PLEKHS1: variants seen among roughly 807,000 people sequenced by gnomAD.
PLEKHS1 encodes pleckstrin homology domain-containing family S member 1.
Under a neutral mutation model 51.0 loss-of-function variants are expected in PLEKHS1, and 55 were observed. That is an observed-to-expected ratio of 1.08 (90% CI 0.87 to 1.35). The LOEUF is 1.35. Ranked by LOEUF, PLEKHS1 falls within the 40% of genes most tolerant of loss-of-function variation. The pLI is 0.00. For missense variants in PLEKHS1, 398 were observed against 423.0 expected (o/e 0.94, Z 0.52); for synonymous variants, 153 against 144.8 (o/e 1.06, Z -0.41).
intron 2 of PLEKHS1, among the ~76,000 whole-genome samples, chr10:113,759,658 G>A (rs1004921485): frequency 2.0e-5 from 3 of 152,108 alleles, no homozygotes; most frequent in African/African-American, 7.2e-5. Context: ...TTATATGGAT[G>A]TACTACAATT....
At chr10:113,757,935 C>T (rs1042829053) in intron 2 of PLEKHS1, among the ~76,000 whole-genome samples, 1 of 152,220 alleles carries the variant, frequency 6.6e-6, no homozygotes, top group Non-Finnish European at 1.5e-5. Flanking sequence ...AGCTCCTCAT[C>T]TGTTGAAGTT....
chr10:113,781,577 C>A (rs1276818622), exon 12 of PLEKHS1: 1 of 103,476 alleles, frequency 9.7e-6, no homozygotes, highest in Non-Finnish European at 2.0e-5. Flanking sequence ...TTCCCAAACA[C>A]CTCCTTCCCA....
intron 8 of PLEKHS1, among the ~76,000 whole-genome samples, chr10:113,772,756 A>G (rs1844469803): frequency 6.6e-6 from 1 of 152,308 alleles, no homozygotes; most frequent in African/African-American, 2.4e-5. Context: ...CATTTGATAC[A>G]TGTATGGGGA....
intron 2 of PLEKHS1, among the ~76,000 whole-genome samples, chr10:113,756,281 C>G (rs929616661): frequency 1.3e-5 from 2 of 152,064 alleles, no homozygotes; most frequent in African/African-American, 4.8e-5. Flanking sequence ...GCTTGGCCAA[C>G]ATGGTGAAAC....
Position 113,755,429 on chromosome 10 carries a change from TTTGAGACAGTC to T in PLEKHS1, c.28+128_28+138del. On this transcript the variant is annotated intron_variant, in intron 2 of 11. Coordinates refer to ENST00000361048, the Ensembl canonical transcript of PLEKHS1. ...GTGTATGTTGTTTTGTTTTGTTTTG[TTTGAGACAGTC>T]TTGCTCTGTTGCGTAGGCTGGAGTA... 6 of 1,442,254 alleles carry T rather than the reference TTTGAGACAGTC, an allele frequency of 4.2e-6. No individual in the cohort carries two copies. In the South Asian group the frequency reaches 8.8e-5, roughly 21 times the overall value. The allele number at this position is 1,442,254 out of a possible 1,614,324, so 89.3% of individuals were successfully genotyped here. A position where few individuals can be genotyped will look rare whatever the true frequency, so the allele number is the denominator to read the frequency against.
At chr10:113,767,237 T>A in intron 4 of PLEKHS1, 108 bp from the exon 5 acceptor site, 1 of 771,806 alleles carries the variant, frequency 1.3e-6, no homozygotes, top group Non-Finnish European at 1.8e-6. Flanking sequence ...CTTGGAAACA[T>A]GGATCCAGCA....
At chr10:113,764,950 C>T (rs1364534197) in intron 2 of PLEKHS1, 1 of 155,314 alleles carries the variant, frequency 6.4e-6, no homozygotes, top group Non-Finnish European at 1.4e-5. Context: ...TTCTTTATAT[C>T]TTTTATATCT....
At chr10:113,771,185 T>G (rs1844387618) in intron 7 of PLEKHS1, 1 of 152,188 alleles carries the variant, frequency 6.6e-6, no homozygotes, top group Admixed American at 6.5e-5. Context: ...ATTCATACTA[T>G]CATATGATCA....
intron 10 of PLEKHS1, among the ~76,000 whole-genome samples, chr10:113,775,359 T>C (rs1844602520): frequency 5.3e-5 from 8 of 152,172 alleles, no homozygotes; most frequent in Admixed American, 5.2e-4. Context: ...TGAGTGTAAT[T>C]ATGGACATGC....
chr10:113,780,552 T>G (rs11196482), intron 11 of PLEKHS1, 50 bp from the exon 13 acceptor site: 603,221 of 1,541,136 alleles, frequency 0.39, 120,460 homozygotes, highest in South Asian at 0.5. Flanking sequence ...GAAGCAACAA[T>G]CTTAAAGATA....
chr10:113,752,879 T>C (rs1352802326), intron 1 of PLEKHS1, among the ~76,000 whole-genome samples: 1 of 152,164 alleles, frequency 6.6e-6, no homozygotes, highest in Non-Finnish European at 1.5e-5. Flanking sequence ...GGAGTGTCCA[T>C]GAGCATGAAT....
chr10:113,780,172 A>G (rs751246527), intron 11 of PLEKHS1, among the ~76,000 whole-genome samples: 91 of 152,080 alleles, frequency 6.0e-4, no homozygotes, highest in Non-Finnish European at 1.1e-3. Context: ...TGAGATTTTC[A>G]AGGGAAGGGG....
intron 2 of PLEKHS1, among the ~76,000 whole-genome samples, chr10:113,763,960 T>C (rs1844054080): frequency 1.3e-5 from 2 of 152,228 alleles, no homozygotes; most frequent in Non-Finnish European, 2.9e-5. Context: ...TTTTTTATAC[T>C]GCAAGCCTCC....
At chr10:113,772,145 C>G in intron 8 of PLEKHS1, 56 bp downstream of exon 8, 1 of 1,590,558 alleles carries the variant, frequency 6.3e-7, no homozygotes, top group South Asian at 1.1e-5. Context: ...TTACTGAAAC[C>G]CTGCCATGCA....
At chr10:113,773,575 C>T (rs1399659553) in intron 8 of PLEKHS1, among the ~76,000 whole-genome samples, 1 of 152,128 alleles carries the variant, frequency 6.6e-6, no homozygotes, top group Non-Finnish European at 1.5e-5. Flanking sequence ...AAAGATGGCA[C>T]TCGAGGTGAA....
exon 6 of PLEKHS1, chr10:113,768,877 A>G (rs1181879056): frequency 6.2e-7 from 1 of 1,613,252 alleles, no homozygotes; most frequent in East Asian, 2.2e-5. Flanking sequence ...AAAGCAACAC[A>G]GCAGAACACA....
exon 12 of PLEKHS1, chr10:113,780,679 C>G (rs769922226): frequency 3.7e-6 from 6 of 1,613,622 alleles, no homozygotes; most frequent in Non-Finnish European, 5.1e-6. Context: ...CCTCAAAATG[C>G]CAAAGTGCTG....
chr10:113,774,865 C>G (rs1186672628), exon 10 of PLEKHS1: 1 of 1,614,106 alleles, frequency 6.2e-7, no homozygotes, highest in Non-Finnish European at 8.5e-7. Context: ...TGGATAGCAG[C>G]AAAGAGGAAC....
intron 11 of PLEKHS1, among the ~76,000 whole-genome samples, chr10:113,778,400 A>C (rs1283686127): frequency 6.6e-6 from 1 of 152,184 alleles, no homozygotes; most frequent in African/African-American, 2.4e-5. Context: ...ATTTCTGAAA[A>C]CCATTGTATT....
Sources: gnomAD v4.1 joint callset for allele counts (sites outside exome capture counted in the v4.1 genomes callset) on GRCh38, gnomAD v4.1.1 for gene constraint, MANE v1.5 for transcripts, NCBI Gene and HGNC (gene_info 2026-07-23, HGNC 2026-07-21) for gene names.